The following GRM5 variants were observed in gnomAD, a reference collection of about 807,000 sequenced individuals.
The protein encoded by GRM5 is glutamate metabotropic receptor 5.
Under a neutral mutation model 83.1 loss-of-function variants are expected in GRM5, and 19 were observed. The ratio of observed to expected loss-of-function variants is 0.23; its 90% CI spans 0.16 to 0.34. The LOEUF (loss-of-function observed/expected upper bound fraction) is 0.34, where lower values mean the gene tolerates loss of function less well. Ranked by LOEUF, GRM5 falls within the 10% of genes least tolerant of loss-of-function variation. The pLI is 1.00. For synonymous variants in GRM5, 675 were observed against 633.6 expected (o/e 1.07, Z -0.98); for missense variants, 1,160 against 1,588.3 (o/e 0.73, Z 4.58).
chr11:88,877,261 A>T (rs544647790), intron 2 of GRM5, among the ~76,000 whole-genome samples: 7 of 152,260 alleles, frequency 4.6e-5, no homozygotes, highest in African/African-American at 1.7e-4. Context: ...TTACCCTGGT[A>T]AATTAGCACA....
chr11:89,039,317 C>A (rs1355624867), intron 2 of GRM5, among the ~76,000 whole-genome samples: 7 of 151,270 alleles, frequency 4.6e-5, no homozygotes, highest in African/African-American at 1.5e-4. Flanking sequence ...TTTCAACTCA[C>A]AAAGTAGTAA....
intron 4 of GRM5, among the ~76,000 whole-genome samples, chr11:88,615,710 T>A (rs976618687): frequency 6.6e-5 from 10 of 152,176 alleles, no homozygotes; most frequent in South Asian, 2.1e-4. Flanking sequence ...GCTTTTTTTT[T>A]AAATTGGGGC....
intron 8 of GRM5, among the ~76,000 whole-genome samples, chr11:88,547,517 C>T (rs1942411633): frequency 6.6e-6 from 1 of 152,172 alleles, no homozygotes; most frequent in East Asian, 1.9e-4. Flanking sequence ...GCTGGAATGC[C>T]TTCCCTATAT....
intron 8 of GRM5, among the ~76,000 whole-genome samples, chr11:88,528,497 CAGTTG>C (rs72292595): frequency 0.019 from 2,912 of 151,786 alleles, 30 homozygotes; most frequent in Middle Eastern, 0.061. Context: ...CATTTTTTTC[CAGTTG>C]AGTTTATTTT....
At chr11:88,709,636 C>T (rs898856095) in intron 3 of GRM5, among the ~76,000 whole-genome samples, 2 of 152,108 alleles carry the variant, frequency 1.3e-5, no homozygotes, top group Non-Finnish European at 2.9e-5. Flanking sequence ...ATGCTCTAGA[C>T]ATGAATCTGT....
intron 2 of GRM5, among the ~76,000 whole-genome samples, chr11:88,865,727 C>G (rs1486493363): frequency 6.6e-6 from 1 of 151,812 alleles, no homozygotes; most frequent in African/African-American, 2.4e-5. Flanking sequence ...AAAAAACAAC[C>G]CCATGAAAAA....
chr11:88,596,359 C>T (rs1481522805), intron 6 of GRM5, among the ~76,000 whole-genome samples: 3 of 152,124 alleles, frequency 2.0e-5, no homozygotes, highest in Non-Finnish European at 4.4e-5. Context: ...ATTCATCTTC[C>T]TTACCACAGC....
intron 4 of GRM5, among the ~76,000 whole-genome samples, chr11:88,638,404 G>A (rs934869167): frequency 6.6e-6 from 1 of 151,092 alleles, no homozygotes; most frequent in Admixed American, 6.6e-5. Flanking sequence ...GAGGTATATT[G>A]GGGTATAATT....
At chr11:88,882,568 A>AT (rs1418260581) in intron 2 of GRM5, among the ~76,000 whole-genome samples, 4 of 151,618 alleles carry the variant, frequency 2.6e-5, no homozygotes, top group African/African-American at 9.7e-5. Flanking sequence ...CTCAAAAAAA[A>AT]AAAAAAGAAT....
At chr11:88,780,667 C>G (rs1258152202) in intron 3 of GRM5, among the ~76,000 whole-genome samples, 1 of 151,996 alleles carries the variant, frequency 6.6e-6, no homozygotes, top group Non-Finnish European at 1.5e-5. Flanking sequence ...TCAGGGGTAT[C>G]TGTATATTTA....
chr11:89,056,006 T>C (rs1396388607), intron 1 of GRM5, among the ~76,000 whole-genome samples: 1 of 152,174 alleles, frequency 6.6e-6, no homozygotes, highest in Non-Finnish European at 1.5e-5. Flanking sequence ...ATTTAGAACA[T>C]TTATTTAATT....
intron 2 of GRM5, among the ~76,000 whole-genome samples, chr11:88,889,458 T>G (rs61903010): frequency 6.6e-6 from 1 of 152,108 alleles, no homozygotes; most frequent in Non-Finnish European, 1.5e-5. Flanking sequence ...AAAAACACCT[T>G]GTACACTCAC....
At chr11:88,802,492 T>C (rs937002714) in intron 3 of GRM5, among the ~76,000 whole-genome samples, 1 of 151,944 alleles carries the variant, frequency 6.6e-6, no homozygotes, top group Non-Finnish European at 1.5e-5. Flanking sequence ...ACAACCTTCA[T>C]GCTAAAAACT....
chr11:88,897,667 A>G (rs768833928), intron 2 of GRM5, among the ~76,000 whole-genome samples: 1 of 151,876 alleles, frequency 6.6e-6, no homozygotes, highest in Non-Finnish European at 1.5e-5. Flanking sequence ...GATGTCAAAC[A>G]TTCTACAATG....
chr11:88,725,780 C>T (rs1428919483), intron 3 of GRM5, among the ~76,000 whole-genome samples: 3 of 152,016 alleles, frequency 2.0e-5, no homozygotes, highest in Non-Finnish European at 1.5e-5. Flanking sequence ...CTCCAGCAGA[C>T]CTGCAGCAGA....
At chr11:88,958,000 T>C (rs1449570865) in intron 2 of GRM5, among the ~76,000 whole-genome samples, 1 of 152,006 alleles carries the variant, frequency 6.6e-6, no homozygotes, top group Non-Finnish European at 1.5e-5. Context: ...ACTTATATTT[T>C]TTATACTACC....
intron 3 of GRM5, among the ~76,000 whole-genome samples, chr11:88,824,946 A>T (rs529725705): frequency 3.3e-5 from 5 of 152,252 alleles, no homozygotes; most frequent in African/African-American, 1.2e-4. Flanking sequence ...CATATACTAC[A>T]TGCATAGTCA....
chr11:88,701,292 A>G (rs757598341), intron 3 of GRM5, among the ~76,000 whole-genome samples: 3 of 152,248 alleles, frequency 2.0e-5, no homozygotes, highest in African/African-American at 4.8e-5. Flanking sequence ...CCTCCTTGCC[A>G]TATCTTGACA....
chr11:88,738,881 C>T (rs915750866), intron 3 of GRM5, among the ~76,000 whole-genome samples: 8 of 152,078 alleles, frequency 5.3e-5, no homozygotes, highest in African/African-American at 1.7e-4. Context: ...TTGAAATCAA[C>T]TGCTCTTGGC....
Sources: allele counts gnomAD v4.1 joint callset (sites outside exome capture counted in the v4.1 genomes callset), GRCh38; gene constraint gnomAD v4.1.1; transcripts MANE v1.5; gene names NCBI Gene and HGNC (gene_info 2026-07-23, HGNC 2026-07-21).